Variants in ZNF532 observed in about 807,000 individuals in gnomAD.
ZNF532 encodes zinc finger protein 532.
ZNF532 carries 22 observed loss-of-function variants against 89.3 expected under a neutral mutation model. That is an observed-to-expected ratio of 0.25 (90% CI 0.18 to 0.35). ZNF532 has a LOEUF of 0.35. Ranked by LOEUF, ZNF532 falls within the 10% of genes least tolerant of loss-of-function variation. The probability of loss-of-function intolerance (pLI) is 1.00; values close to 1 mark genes in which losing one functional copy is unlikely to be tolerated. For synonymous variants in ZNF532, 606 were observed against 649.6 expected (o/e 0.93, Z 1.02); for missense variants, 1,132 against 1,643.4 (o/e 0.69, Z 5.38).
intron 2 of ZNF532, among the ~76,000 whole-genome samples, chr18:58,874,974 A>T (rs1287080763): frequency 6.6e-6 from 1 of 152,186 alleles, no homozygotes; most frequent in Admixed American, 6.5e-5. Flanking sequence ...TGTGGTAGCC[A>T]CTAGCCACAT....
intron 2 of ZNF532, among the ~76,000 whole-genome samples, chr18:58,893,889 G>A (rs1434841290): frequency 6.6e-6 from 1 of 152,184 alleles, no homozygotes; most frequent in Non-Finnish European, 1.5e-5. Context: ...ACCTGACTGT[G>A]GATCAGCTGG....
intron 2 of ZNF532, among the ~76,000 whole-genome samples, chr18:58,877,541 A>G (rs1458804553): frequency 6.6e-6 from 1 of 152,250 alleles, no homozygotes; most frequent in African/African-American, 2.4e-5. Context: ...TCTACAAGAA[A>G]GTCTGCCATT....
Position 58,953,748 on chromosome 18 carries a change from G to A in ZNF532, c.3099G>A (p.Leu1033=). 1.2e-6 allele frequency: 2 copies of A among 1,614,154 alleles called. No individual in the cohort carries two copies. The highest frequency in any genetic ancestry group is 2.2e-5 in the East Asian group (1 of 44,888). The stretch of plus-strand genomic sequence containing the variant: ...GGACGTGTTGGGAGTGTGACTGCCT[G>A]TTCATGCAGAGAGATGTGTACATAT... The part of the protein sequence containing the change: ...PGWTCWECDC[L]FMQRDVYISH... The change falls in exon 7 of 10, where the codon CTG becomes CTA. Residue 1033 remains leucine (L), a synonymous_variant. Transcript: ENST00000591808.
At chr18:58,965,058 TTGATA>T (rs1309963543) in intron 7 of ZNF532, among the ~76,000 whole-genome samples, 3 of 151,200 alleles carry the variant, frequency 2.0e-5, no homozygotes, top group Non-Finnish European at 2.9e-5. Flanking sequence ...ATTAGTTTAT[TTGATA>T]TTTTATTAGT....
chr18:58,915,735 G>T (rs745931059), intron 2 of ZNF532, among the ~76,000 whole-genome samples: 2 of 152,184 alleles, frequency 1.3e-5, no homozygotes, highest in African/African-American at 4.8e-5. Flanking sequence ...TCAGACAGTC[G>T]CACTGCCGAC....
intron 6 of ZNF532, among the ~76,000 whole-genome samples, chr18:58,951,648 T>TTTTTTTTTTTTGG (rs2064183719): frequency 8.6e-6 from 1 of 116,342 alleles, no homozygotes; most frequent in African/African-American, 3.8e-5. Flanking sequence ...GCCCTGTTGT[T>TTTTTTTTTTTTGG]TTTTTTTTTT....
chr18:58,910,724 C>T (rs895042615), intron 2 of ZNF532, among the ~76,000 whole-genome samples: 6 of 152,130 alleles, frequency 3.9e-5, no homozygotes, highest in African/African-American at 7.2e-5. Context: ...ATCCACCCGC[C>T]TCAGCCTCCC....
intron 7 of ZNF532, among the ~76,000 whole-genome samples, chr18:58,959,800 T>G (rs2065171960): frequency 6.6e-6 from 1 of 152,178 alleles, no homozygotes; most frequent in Non-Finnish European, 1.5e-5. Flanking sequence ...ATAATAGATG[T>G]TTTTCTCTCT....
chr18:58,927,103 A>C (rs2061587934), intron 3 of ZNF532, among the ~76,000 whole-genome samples: 1 of 152,204 alleles, frequency 6.6e-6, no homozygotes, highest in Admixed American at 6.5e-5. Flanking sequence ...TTTCTTTGGT[A>C]GAATTCTCCA....
intron 2 of ZNF532, among the ~76,000 whole-genome samples, chr18:58,897,662 G>A (rs2059334642): frequency 6.6e-6 from 1 of 152,180 alleles, no homozygotes; most frequent in African/African-American, 2.4e-5. Context: ...GAGATGTAAA[G>A]TTAAGATTGG....
chr18:58,967,429 TCTTC>T (rs776480201), intron 7 of ZNF532, among the ~76,000 whole-genome samples: 2 of 152,198 alleles, frequency 1.3e-5, no homozygotes, highest in Non-Finnish European at 2.9e-5. Context: ...TGTGCCACAT[TCTTC>T]CTTGTCTTTG....
intron 8 of ZNF532, chr18:58,979,465 G>A: frequency 5.8e-6 from 1 of 172,278 alleles, no homozygotes; most frequent in Non-Finnish European, 1.2e-5. Context: ...TTGGCTCACT[G>A]CAACCTCTGC....
chr18:58,983,830 G>GCAGA, intron 9 of ZNF532, 142 bp from the exon 10 acceptor site: 1 of 989,728 alleles, frequency 1.0e-6, no homozygotes, highest in East Asian at 2.5e-5. Context: ...GGGTGGGGTG[G>GCAGA]CAGACACAGC....
intron 2 of ZNF532, among the ~76,000 whole-genome samples, chr18:58,917,866 C>T (rs947981552): frequency 3.3e-5 from 5 of 151,940 alleles, no homozygotes; most frequent in East Asian, 1.9e-4. Flanking sequence ...CTGATGGTGA[C>T]GATGATAGTG....
intron 2 of ZNF532, among the ~76,000 whole-genome samples, chr18:58,911,967 C>A (rs530354222): frequency 6.6e-6 from 1 of 152,182 alleles, no homozygotes; most frequent in South Asian, 2.1e-4. Context: ...TCAGAGAAGG[C>A]TGAGGTTTGT....
At chr18:58,916,608 C>T (rs1168788833) in intron 2 of ZNF532, 38 of 599,084 alleles carry the variant, frequency 6.3e-5, no homozygotes, top group Admixed American at 1.9e-4. Context: ...TTAACCGAGA[C>T]AGGTGTGAAT....
chr18:58,954,288 C>A (rs2064525060), intron 7 of ZNF532: 1 of 986,982 alleles, frequency 1.0e-6, no homozygotes, highest in Admixed American at 6.0e-5. Flanking sequence ...AACTCCAAGT[C>A]ACTGAAAAAT....
At chr18:58,863,547 C>T (rs1051053295), upstream of ZNF532, 2 of 2,218 alleles carry the variant, frequency 9.0e-4, no homozygotes, top group African/African-American at 8.3e-3. Flanking sequence ...CGAGGCCGCT[C>T]CACCGCACAC....
rs57417375 is a variant in ZNF532, at chr18:58,866,296, G to C, written c.-18+717G>C. Among the ~76,000 whole-genome samples, 896 of 152,302 alleles carry C rather than the reference G, an allele frequency of 5.9e-3. 7 individuals carry two copies. The highest frequency in any genetic ancestry group is 0.016 in the African/African-American group (648 of 41,544). ...TAAAGATCGCAGTTAGGTTTGAGCA[G>C]GCATTTTAATGCACCTTCCAAAACC... is the stretch of plus-strand genomic sequence containing the variant. On this transcript the variant is annotated intron_variant, in intron 2 of 9. Coordinates refer to ENST00000591808, the MANE Select transcript of ZNF532 (RefSeq NM_001375912.1).
Sources: gnomAD v4.1 joint callset for allele counts (sites outside exome capture counted in the v4.1 genomes callset) on GRCh38, gnomAD v4.1.1 for gene constraint, MANE v1.5 for transcripts, NCBI Gene and HGNC (gene_info 2026-07-23, HGNC 2026-07-21) for gene names.